PDZRN4: variants seen among roughly 807,000 people sequenced by gnomAD.
PDZRN4 encodes PDZ domain-containing RING finger protein 4.
PDZRN4 carries 70 observed loss-of-function variants against 99.0 expected under a neutral mutation model. The ratio of observed to expected loss-of-function variants is 0.71; its 90% confidence interval spans 0.58 to 0.86. The LOEUF (loss-of-function observed/expected upper bound fraction) is 0.86. PDZRN4 is among the 40% of genes least tolerant of loss of function. The pLI is 0.00. For synonymous variants in PDZRN4, 551 were observed against 501.6 expected (o/e 1.10, Z -1.32); for missense variants, 1,474 against 1,331.2 (o/e 1.11, Z -1.67).
chr12:41,489,659 T>C (rs1031413232), intron 3 of PDZRN4, among the ~76,000 whole-genome samples: 8 of 144,512 alleles, frequency 5.5e-5, no homozygotes, highest in Non-Finnish European at 1.2e-4. Flanking sequence ...TTAAATATTT[T>C]ACTGAGATTT....
intron 5 of PDZRN4, among the ~76,000 whole-genome samples, chr12:41,514,239 C>T (rs1410398778): frequency 6.6e-6 from 1 of 152,012 alleles, no homozygotes; most frequent in Non-Finnish European, 1.5e-5. Context: ...AATTAGCTTC[C>T]TCTTGGCAGT....
chr12:41,207,961 A>AT (rs1950862641), intron 3 of PDZRN4, among the ~76,000 whole-genome samples: 1 of 151,778 alleles, frequency 6.6e-6, no homozygotes, highest in Admixed American at 6.6e-5. Flanking sequence ...TACAAAAAAA[A>AT]AAATCAATGA....
rs1939312100 is a variant in PDZRN4 at position 41,563,625 on chromosome 12, G to T, written c.1443G>T (p.Leu481=). The change falls in exon 8 of 10, where the codon CTG becomes CTT. Residue 481 remains leucine, a synonymous_variant. Transcript: ENST00000402685. ...LSNDECKRIV[L]LVARPEIQLD... is the part of the protein sequence containing the mutation. Reference sequence around the variant, plus strand: ...ACGATGAGTGTAAGAGAATCGTGCTGCTTGTTGCAAGGCCAGAGATTCAGG... The same window carrying T: ...ACGATGAGTGTAAGAGAATCGTGCTTCTTGTTGCAAGGCCAGAGATTCAGG... 1.2e-6 allele frequency: 2 copies of T among 1,613,084 alleles called. No homozygotes were observed. The highest frequency in any genetic ancestry group is 1.7e-6 in the Non-Finnish European group (2 of 1,179,366).
intron 1 of PDZRN4, among the ~76,000 whole-genome samples, chr12:41,189,755 C>T (rs1950724013): frequency 6.6e-6 from 1 of 152,122 alleles, no homozygotes; most frequent in African/African-American, 2.4e-5. Context: ...GCCTTCCTTG[C>T]CTCGGGATCT....
intron 3 of PDZRN4, among the ~76,000 whole-genome samples, chr12:41,314,270 C>A (rs1951624955): frequency 6.6e-6 from 1 of 152,120 alleles, no homozygotes; most frequent in African/African-American, 2.4e-5. Flanking sequence ...GGTTTATCAT[C>A]ACAGCAAGTT....
At chr12:41,319,923 C>A (rs1461773309) in intron 3 of PDZRN4, among the ~76,000 whole-genome samples, 1 of 152,218 alleles carries the variant, frequency 6.6e-6, no homozygotes, top group African/African-American at 2.4e-5. Context: ...AGAGCCACTC[C>A]ATCTCTGCTG....
intron 5 of PDZRN4, among the ~76,000 whole-genome samples, chr12:41,545,239 C>A (rs898323663): frequency 6.6e-6 from 1 of 152,194 alleles, no homozygotes; most frequent in Admixed American, 6.5e-5. Flanking sequence ...TTAGTGTTCA[C>A]CATGACCCCT....
Position 41,475,662 on chromosome 12 carries a change from C to A in PDZRN4, c.844-30794C>A, listed in dbSNP as rs118107963. ...CTGGATCTAAACCACTCTGAAAGAG[C>A]AAGTCAATGGCATAATATTAGCGCT... On this transcript the variant is annotated intron_variant, in intron 3 of 9. Transcript: ENST00000402685. 5.1e-4 allele frequency among the ~76,000 whole-genome samples: 77 copies of A among 152,286 alleles called. 1 individual carries two copies. The East Asian group carries it at 0.013, about 26-fold the overall frequency.
At chr12:41,195,762 TA>T (rs2120647246) in intron 3 of PDZRN4, among the ~76,000 whole-genome samples, 1 of 152,334 alleles carries the variant, frequency 6.6e-6, no homozygotes, top group Admixed American at 6.5e-5. Context: ...CTGTAGCTTC[TA>T]AAGTTAGAAT....
intron 3 of PDZRN4, among the ~76,000 whole-genome samples, chr12:41,228,435 C>T (rs1020616164): frequency 5.9e-5 from 9 of 151,834 alleles, no homozygotes; most frequent in South Asian, 4.2e-4. Flanking sequence ...TTCACAACAC[C>T]GTTAGTATTA....
At chr12:41,191,281 T>C (rs1397878182) in intron 1 of PDZRN4, among the ~76,000 whole-genome samples, 177 bp from the exon 2 acceptor site, 1 of 152,226 alleles carries the variant, frequency 6.6e-6, no homozygotes, top group Non-Finnish European at 1.5e-5. Flanking sequence ...TTCAAATACA[T>C]ACTTGCAAAG....
intron 3 of PDZRN4, among the ~76,000 whole-genome samples, chr12:41,235,917 T>A (rs888397103): frequency 2.0e-5 from 3 of 152,226 alleles, no homozygotes; most frequent in African/African-American, 7.2e-5. Context: ...TTTTTCATTG[T>A]TGAACTTTCA....
chr12:41,280,681 G>T (rs112987119), intron 3 of PDZRN4, among the ~76,000 whole-genome samples: 3 of 152,308 alleles, frequency 2.0e-5, no homozygotes, highest in African/African-American at 4.8e-5. Context: ...TCTCTGGGCA[G>T]GGCATCTCTG....
At chr12:41,550,246 G>A (rs79833496) in intron 5 of PDZRN4, among the ~76,000 whole-genome samples, 78 of 152,250 alleles carry the variant, frequency 5.1e-4, no homozygotes, top group African/African-American at 1.5e-3. Context: ...AGTTGCTTCC[G>A]TGCTTTGTTA....
At chr12:41,421,244 C>G (rs955520469) in intron 3 of PDZRN4, among the ~76,000 whole-genome samples, 2 of 151,866 alleles carry the variant, frequency 1.3e-5, no homozygotes, top group African/African-American at 4.8e-5. Flanking sequence ...GCTTTGTCAC[C>G]CAGGAGTGCA....
rs778727054 is a variant in PDZRN4 at position 41,410,203 on chromosome 12, T to A, written c.844-96253T>A. On this transcript the variant is annotated intron_variant, in intron 3 of 9. Transcript: ENST00000402685. The stretch of plus-strand genomic sequence containing the variant: ...ATATGATTTCTCCCAGAATAATTTC[T>A]AACACGATTTTTCATGTTCTGTTTG... 2.2e-4 allele frequency among the ~76,000 whole-genome samples: 34 copies of A among 152,318 alleles called. No homozygotes were observed. In the Middle Eastern group the frequency reaches 0.01, roughly 46 times the overall value.
chr12:41,213,894 C>T (rs1399626384), intron 3 of PDZRN4, among the ~76,000 whole-genome samples: 1 of 151,970 alleles, frequency 6.6e-6, no homozygotes, highest in African/African-American at 2.4e-5. Context: ...GTCACTGACC[C>T]TCTCTGGTCC....
Position 41,434,204 on chromosome 12 carries a change from T to C in PDZRN4, c.844-72252T>C, listed in dbSNP as rs553012368. Among the ~76,000 whole-genome samples the C allele has an allele frequency of 2.0e-5, 3 of 152,354 alleles. No individual in the cohort carries two copies. The East Asian group carries it at 5.8e-4, about 29-fold the overall frequency. On this transcript the variant is annotated intron_variant, in intron 3 of 9. Coordinates refer to ENST00000402685, the MANE Select transcript of PDZRN4 (RefSeq NM_001164595.2). ...TCTTTTTATCTCTGAAACTGGAATATGCACCTGTCTATGTAGTGTTGCTCA... is the reference window on the plus strand; with the variant it reads ...TCTTTTTATCTCTGAAACTGGAATACGCACCTGTCTATGTAGTGTTGCTCA...
intron 3 of PDZRN4, among the ~76,000 whole-genome samples, chr12:41,399,769 G>A (rs926474267): frequency 6.6e-6 from 1 of 151,854 alleles, no homozygotes; most frequent in Non-Finnish European, 1.5e-5. Context: ...ACCTATAGCG[G>A]TATGTTAATA....
Sources: gnomAD v4.1 joint callset for allele counts (sites outside exome capture counted in the v4.1 genomes callset) on GRCh38, gnomAD v4.1.1 for gene constraint, MANE v1.5 for transcripts, NCBI Gene and HGNC (gene_info 2026-07-23, HGNC 2026-07-21) for gene names.